Variants in PCSK5 observed in about 807,000 individuals in gnomAD.
The protein encoded by PCSK5 is proprotein convertase subtilisin/kexin type 5.
PCSK5 carries 129 observed loss-of-function variants against 233.2 expected under a neutral mutation model. The ratio of observed to expected loss-of-function variants is 0.55; its 90% CI spans 0.48 to 0.64. The LOEUF is 0.64. PCSK5 is among the 30% of genes least tolerant of loss of function. The pLI, the probability that PCSK5 is intolerant of heterozygous loss-of-function variation, is 0.00. For synonymous variants in PCSK5, 825 were observed against 879.2 expected (o/e 0.94, Z 1.09); for missense variants, 2,076 against 2,430.1 (o/e 0.85, Z 3.06).
intron 7 of PCSK5, among the ~76,000 whole-genome samples, chr9:76,072,802 T>C (rs1273653762): frequency 6.6e-6 from 1 of 152,100 alleles, no homozygotes; most frequent in African/African-American, 2.4e-5. Flanking sequence ...GTAAGCCAAA[T>C]CCTGTTTGAC....
At chr9:75,938,015 CTCTT>C (rs759794215) in intron 2 of PCSK5, among the ~76,000 whole-genome samples, 38 of 152,324 alleles carry the variant, frequency 2.5e-4, no homozygotes, top group Non-Finnish European at 4.4e-4. Context: ...AAGGCTGTTT[CTCTT>C]TCTTATCATC....
chr9:76,100,909 C>G (rs1831727509), intron 8 of PCSK5, among the ~76,000 whole-genome samples: 1 of 152,116 alleles, frequency 6.6e-6, no homozygotes, highest in African/African-American at 2.4e-5. Context: ...ACCAGGGCTT[C>G]CTGATGTGCA....
chr9:75,952,900 T>G (rs906817701), intron 2 of PCSK5, among the ~76,000 whole-genome samples: 5 of 152,180 alleles, frequency 3.3e-5, no homozygotes, highest in African/African-American at 1.2e-4. Flanking sequence ...TATCCACCTT[T>G]TGGTGTTTAT....
At chr9:76,268,631 C>A (rs1827415004) in intron 24 of PCSK5, among the ~76,000 whole-genome samples, 2 of 152,102 alleles carry the variant, frequency 1.3e-5, no homozygotes. Context: ...ATCGCTTGAG[C>A]CCAGGAGTTT....
intron 1 of PCSK5, among the ~76,000 whole-genome samples, chr9:75,918,189 A>G (rs1823086880): frequency 6.6e-6 from 1 of 152,178 alleles, no homozygotes; most frequent in Non-Finnish European, 1.5e-5. Context: ...AAAGAATACA[A>G]ATTAATATAG....
chr9:76,307,460 A>C (rs1382608409), intron 28 of PCSK5, among the ~76,000 whole-genome samples: 1 of 152,146 alleles, frequency 6.6e-6, no homozygotes, highest in East Asian at 1.9e-4. Context: ...GCAATCCCTG[A>C]GCTCTAGTCA....
intron 24 of PCSK5, among the ~76,000 whole-genome samples, chr9:76,274,480 A>G (rs1463203443): frequency 6.6e-6 from 1 of 151,846 alleles, no homozygotes; most frequent in Non-Finnish European, 1.5e-5. Flanking sequence ...ATGTTTTTAA[A>G]CTGTGACCAT....
chr9:76,349,805 G>A (rs572011105), intron 35 of PCSK5, among the ~76,000 whole-genome samples: 1 of 152,280 alleles, frequency 6.6e-6, no homozygotes, highest in East Asian at 1.9e-4. Flanking sequence ...TAGGTCTCCG[G>A]TCCCCAAACT....
At chr9:76,188,897 CAA>C (rs944385968) in intron 18 of PCSK5, among the ~76,000 whole-genome samples, 195 bp from the exon 19 acceptor site, 3 of 152,216 alleles carry the variant, frequency 2.0e-5, no homozygotes, top group Non-Finnish European at 4.4e-5. Flanking sequence ...GCTCCTCTTT[CAA>C]AAGACAGTGA....
intron 16 of PCSK5, among the ~76,000 whole-genome samples, chr9:76,182,567 A>G (rs1277948453): frequency 6.6e-6 from 1 of 150,472 alleles, no homozygotes; most frequent in Non-Finnish European, 1.5e-5. Flanking sequence ...TTGCAACTTT[A>G]CCAAACAAAA....
At chr9:76,183,894 T>G (rs1472997083) in intron 16 of PCSK5, among the ~76,000 whole-genome samples, 1 of 152,200 alleles carries the variant, frequency 6.6e-6, no homozygotes, top group East Asian at 1.9e-4. Flanking sequence ...AAATTTTATC[T>G]AAGGTAGAAG....
At chr9:76,279,471 C>T (rs1316320366) in intron 24 of PCSK5, among the ~76,000 whole-genome samples, 1 of 151,788 alleles carries the variant, frequency 6.6e-6, no homozygotes. Context: ...AGTTCTAGAT[C>T]CCTGAGGAAT....
chr9:76,219,636 T>C (rs1399772024), intron 20 of PCSK5, among the ~76,000 whole-genome samples: 1 of 152,080 alleles, frequency 6.6e-6, no homozygotes, highest in Non-Finnish European at 1.5e-5. Context: ...AGAAAGGAAA[T>C]GGCACATCCC....
At chr9:76,080,672 C>G (rs1390390015) in intron 7 of PCSK5, among the ~76,000 whole-genome samples, 1 of 152,158 alleles carries the variant, frequency 6.6e-6, no homozygotes, top group African/African-American at 2.4e-5. Flanking sequence ...GTGTCATGTT[C>G]AGGTTAATTA....
intron 1 of PCSK5, among the ~76,000 whole-genome samples, chr9:75,898,157 T>G (rs1022178616): frequency 2.6e-5 from 4 of 152,232 alleles, no homozygotes; most frequent in African/African-American, 4.8e-5. Context: ...AAATATGAAT[T>G]GAATTTGATT....
intron 34 of PCSK5, among the ~76,000 whole-genome samples, chr9:76,336,124 G>A (rs1829671906): frequency 6.6e-6 from 1 of 152,138 alleles, no homozygotes; most frequent in Non-Finnish European, 1.5e-5. Context: ...CTTACAGATT[G>A]ACACATAGTA....
intron 35 of PCSK5, among the ~76,000 whole-genome samples, chr9:76,341,847 AG>A (rs762746594): frequency 2.0e-5 from 3 of 152,202 alleles, no homozygotes; most frequent in Non-Finnish European, 4.4e-5. Flanking sequence ...TCAGCAGCTT[AG>A]GAGAGATCTT....
chr9:76,054,606 A>G (rs907993791), intron 5 of PCSK5, among the ~76,000 whole-genome samples: 5 of 152,246 alleles, frequency 3.3e-5, no homozygotes, highest in African/African-American at 9.6e-5. Context: ...TACTTGAATT[A>G]CAACCAGTCT....
intron 24 of PCSK5, among the ~76,000 whole-genome samples, chr9:76,253,202 A>G (rs1171993646): frequency 6.6e-6 from 1 of 151,454 alleles, no homozygotes; most frequent in African/African-American, 2.4e-5. Context: ...CATCGTCTCC[A>G]TGGGCAGATG....
Sources: gnomAD v4.1 joint callset for allele counts (sites outside exome capture counted in the v4.1 genomes callset) on GRCh38, gnomAD v4.1.1 for gene constraint, MANE v1.5 for transcripts, NCBI Gene and HGNC (gene_info 2026-07-23, HGNC 2026-07-21) for gene names.